CCDC60: variants seen among roughly 807,000 people sequenced by gnomAD.
The protein encoded by CCDC60 is coiled-coil domain-containing protein 60.
In CCDC60, 54 loss-of-function variants were observed where a neutral mutation model predicts 63.5. That is an observed-to-expected ratio of 0.85 (90% CI 0.68 to 1.07). The LOEUF (loss-of-function observed/expected upper bound fraction) is 1.07. Ranked by LOEUF, CCDC60 falls within the 50% of genes least tolerant of loss-of-function variation. CCDC60 has a pLI of 0.00. For missense variants in CCDC60, 651 were observed against 684.3 expected, an observed-to-expected ratio of 0.95 and a Z score of 0.54; for synonymous variants, 206 against 238.8, an observed-to-expected ratio of 0.86 and a Z score of 1.27.
chr12:119,399,527 C>T (rs1032770139), intron 1 of CCDC60, among the ~76,000 whole-genome samples: 1 of 152,124 alleles, frequency 6.6e-6, no homozygotes, highest in African/African-American at 2.4e-5. Context: ...GCCAACAGTG[C>T]GTGTCGGGTG....
At chr12:119,433,714 T>A in intron 2 of CCDC60, 1 of 632,374 alleles carries the variant, frequency 1.6e-6, no homozygotes, top group Non-Finnish European at 2.8e-6. Flanking sequence ...TGAGCCAAAC[T>A]ATTTTACTGT....
intron 1 of CCDC60, among the ~76,000 whole-genome samples, chr12:119,409,659 G>A (rs1039380828): frequency 6.6e-6 from 1 of 152,198 alleles, no homozygotes; most frequent in Non-Finnish European, 1.5e-5. Context: ...TCCATTTTCT[G>A]TGTTCTAATA....
chr12:119,335,021 C>T lies in CCDC60; in HGVS notation c.-156C>T, dbSNP rs1955456005. 1 of 576,678 alleles carries T rather than the reference C, an allele frequency of 1.7e-6. No individual in the cohort carries two copies. 35.7% of individuals were successfully genotyped at this position (576,678 alleles called of 1,614,324 possible). On this transcript the variant is annotated 5_prime_UTR_variant, in exon 1 of 14. Transcript: ENST00000327554. ...GGGAGACCCAGGTGCTTTCTCATTA[C>T]TCTTCAGAAGGAAACCGCTTTGGAG...
At chr12:119,533,263 T>C (rs2136541846) in intron 13 of CCDC60, among the ~76,000 whole-genome samples, 1 of 152,190 alleles carries the variant, frequency 6.6e-6, no homozygotes, top group East Asian at 1.9e-4. Context: ...TTTGATGGCG[T>C]TGTTTATTTT....
At chr12:119,337,261 C>T (rs896132496) in intron 1 of CCDC60, among the ~76,000 whole-genome samples, 4 of 152,218 alleles carry the variant, frequency 2.6e-5, no homozygotes, top group South Asian at 2.1e-4. Context: ...TGGGACTGAA[C>T]TTCCCAGCAT....
Position 119,491,874 on chromosome 12 carries a change from T to C in CCDC60, c.557+3008T>C, listed in dbSNP as rs148463484. On this transcript the variant is annotated intron_variant, in intron 5 of 13. Coordinates refer to ENST00000327554, the MANE Select transcript of CCDC60 (RefSeq NM_178499.5). ...CTCCAAAACTGAGAAAAGAACATCA[T>C]GTGGAATTTGGATTGAGAAGAGAAA... Among the ~76,000 whole-genome samples the C allele has an allele frequency of 3.3e-5, 5 of 152,210 alleles. No individual in the cohort carries two copies. In the East Asian group the frequency reaches 9.7e-4, roughly 29 times the overall value.
chr12:119,398,955 T>G (rs570982061), intron 1 of CCDC60, among the ~76,000 whole-genome samples: 34 of 152,316 alleles, frequency 2.2e-4, no homozygotes, highest in African/African-American at 7.5e-4. Context: ...AAAGGCAATA[T>G]TATGAATGTC....
rs190271830 is a variant in CCDC60 at position 119,340,607 on chromosome 12, G to C, written c.90+5341G>C. ...AGAAGCCCAATCCAGCATATACCCA[G>C]CTGGGCTGCCTGGAGTCGGAAAAGG... On this transcript the variant is annotated intron_variant, in intron 1 of 13. Coordinates refer to ENST00000327554, the MANE Select transcript of CCDC60 (RefSeq NM_178499.5). 3.3e-5 allele frequency among the ~76,000 whole-genome samples: 5 copies of C among 151,410 alleles called. No individual in the cohort carries two copies. The East Asian group carries it at 9.9e-4, about 30-fold the overall frequency.
At chr12:119,497,397 C>A (rs1392979065) in intron 5 of CCDC60, among the ~76,000 whole-genome samples, 1 of 152,150 alleles carries the variant, frequency 6.6e-6, no homozygotes, top group African/African-American at 2.4e-5. Context: ...TCAGAAAGAC[C>A]GATTCCAGCT....
chr12:119,338,977 T>G (rs1469856694), intron 1 of CCDC60, among the ~76,000 whole-genome samples: 1 of 152,234 alleles, frequency 6.6e-6, no homozygotes, highest in African/African-American at 2.4e-5. Flanking sequence ...GGCAACTGCC[T>G]TGTACAGGCT....
intron 7 of CCDC60, among the ~76,000 whole-genome samples, chr12:119,512,040 T>A (rs567916499): frequency 2.0e-4 from 31 of 152,278 alleles, no homozygotes; most frequent in African/African-American, 7.2e-4. Flanking sequence ...ATGCTGACAT[T>A]TATCACAGCC....
At chr12:119,462,671 G>A (rs1399906594) in intron 2 of CCDC60, among the ~76,000 whole-genome samples, 1 of 152,054 alleles carries the variant, frequency 6.6e-6, no homozygotes, top group African/African-American at 2.4e-5. Flanking sequence ...ACCCATGCTG[G>A]AATGCAATGG....
At chr12:119,353,550 A>G (rs558053360) in intron 1 of CCDC60, among the ~76,000 whole-genome samples, 1 of 113,094 alleles carries the variant, frequency 8.8e-6, no homozygotes, top group Non-Finnish European at 1.8e-5. Context: ...TTGTCTCTCT[A>G]TGTTTCTCTC....
At chr12:119,487,031 C>T (rs1040703451) in intron 4 of CCDC60, among the ~76,000 whole-genome samples, 1 of 152,102 alleles carries the variant, frequency 6.6e-6, no homozygotes, top group Non-Finnish European at 1.5e-5. Flanking sequence ...GGCCAGGACT[C>T]CACCTTGTTT....
chr12:119,341,142 C>T (rs144467919), intron 1 of CCDC60, among the ~76,000 whole-genome samples: 1 of 152,322 alleles, frequency 6.6e-6, no homozygotes, highest in East Asian at 1.9e-4. Flanking sequence ...ATGCTTTGGA[C>T]AGGCAATGCT....
intron 5 of CCDC60, among the ~76,000 whole-genome samples, chr12:119,494,817 C>T (rs150807947): frequency 0.011 from 1,609 of 152,066 alleles, 12 homozygotes; most frequent in Non-Finnish European, 0.017. Context: ...CCCATCTCTA[C>T]TAAAAATACA....
intron 4 of CCDC60, among the ~76,000 whole-genome samples, chr12:119,480,378 A>G (rs528583620): frequency 5.9e-5 from 9 of 152,364 alleles, no homozygotes; most frequent in South Asian, 2.1e-4. Context: ...CACACACTAC[A>G]TAGAACATAT....
intron 2 of CCDC60, among the ~76,000 whole-genome samples, chr12:119,450,244 A>T (rs1055273252): frequency 1.8e-5 from 2 of 108,932 alleles, no homozygotes; most frequent in Non-Finnish European, 3.3e-5. Context: ...AATAATGGGC[A>T]TTGGAGACCA....
intron 7 of CCDC60, among the ~76,000 whole-genome samples, chr12:119,508,517 G>T (rs557511319): frequency 2.8e-4 from 42 of 152,168 alleles, no homozygotes; most frequent in African/African-American, 8.9e-4. Context: ...CAAGGCAGTT[G>T]CATATAGTAT....
Sources: gnomAD v4.1 joint callset for allele counts (sites outside exome capture counted in the v4.1 genomes callset) on GRCh38, gnomAD v4.1.1 for gene constraint, MANE v1.5 for transcripts, NCBI Gene and HGNC (gene_info 2026-07-23, HGNC 2026-07-21) for gene names.